Variants in TTC12 observed in about 807,000 individuals in gnomAD.
The protein encoded by TTC12 is tetratricopeptide repeat domain 12, also known as tetratricopeptide repeat protein 12.
Under a neutral mutation model 90.1 loss-of-function variants are expected in TTC12, and 70 were observed. The ratio of observed to expected loss-of-function variants is 0.78; its 90% CI spans 0.64 to 0.95. TTC12 has a LOEUF of 0.95. TTC12 is among the 40% of genes least tolerant of loss of function. TTC12 has a pLI of 0.00. For missense variants in TTC12, 819 were observed against 846.1 expected (o/e 0.97, Z 0.40); for synonymous variants, 296 against 311.5 (o/e 0.95, Z 0.53).
downstream of TTC12, chr11:113,366,527 T>C (rs957373978): frequency 6.0e-6 from 4 of 661,228 alleles, no homozygotes; most frequent in Non-Finnish European, 7.2e-6. Flanking sequence ...CCTTTGAATG[T>C]TCTTTCCTGT....
chr11:113,341,808 T>A lies in TTC12; in HGVS notation c.897-29T>A, dbSNP rs1171535738. 2.6e-6 allele frequency: 4 copies of A among 1,558,356 alleles called. No individual in the cohort carries two copies. In the East Asian group the frequency reaches 6.7e-5, roughly 26 times the overall value. On this transcript the variant is annotated intron_variant, in intron 11 of 21. Transcript: ENST00000529221. ...AAAATCAAGACTGATTTTCAGACTT[T>A]TAAGATAGCTCTCCTTTGTCCATTC...
chr11:113,367,948 CAAA>C (rs1429546733), downstream of TTC12, among the ~76,000 whole-genome samples: 1 of 152,140 alleles, frequency 6.6e-6, no homozygotes, highest in Non-Finnish European at 1.5e-5. Flanking sequence ...AATCAGAGCA[CAAA>C]GAAGAAAATT....
downstream of TTC12, among the ~76,000 whole-genome samples, chr11:113,369,333 C>G (rs1296238434): frequency 6.6e-6 from 1 of 152,078 alleles, no homozygotes; most frequent in African/African-American, 2.4e-5. Context: ...GTTGACCAGG[C>G]TGGTCTCGAA....
At chr11:113,347,953 T>G (rs1949065299) in intron 13 of TTC12, among the ~76,000 whole-genome samples, 1 of 152,200 alleles carries the variant, frequency 6.6e-6, no homozygotes, top group Admixed American at 6.5e-5. Context: ...GACACCATCC[T>G]TCCTGGCCCC....
At position 113,362,459 on chromosome 11, in the gene TTC12, C is replaced by A. The variant is rs782635364; in HGVS notation, c.1673C>A (p.Ala558Asp). ...TCCTCTCTGAAAATTGTTGAGGAGG[C>A]CTTGCGAGCAGGAGTGGTAAAGAAA... Reference protein sequence around the residue: ...LSSSLKIVEEALRAGVVKKMM... With the variant: ...LSSSLKIVEEDLRAGVVKKMM... Residue 558 changes from alanine to aspartate, a missense_variant, in exon 19 of 22, where the codon GCC (alanine) becomes GAC (aspartate). Ala to Asp is a moderately radical substitution (Grantham distance 126). Transcript: ENST00000529221. 3.1e-6 allele frequency: 5 copies of A among 1,613,802 alleles called. No individual in the cohort carries two copies. Among genetic ancestry groups the A allele is most frequent in the Non-Finnish European group, 4.2e-6 (5 of 1,179,854 alleles).
intron 2 of TTC12, among the ~76,000 whole-genome samples, chr11:113,322,265 A>G (rs1947383543): frequency 6.6e-6 from 1 of 152,200 alleles, no homozygotes; most frequent in African/African-American, 2.4e-5. Flanking sequence ...TTTAAAGTAC[A>G]TAATTTAGAA....
At chr11:113,342,922 A>C (rs1196272547) in intron 12 of TTC12, among the ~76,000 whole-genome samples, 1 of 152,194 alleles carries the variant, frequency 6.6e-6, no homozygotes, top group Admixed American at 6.5e-5. Context: ...CTCAGTGTGA[A>C]TCTGACATAA....
At chr11:113,320,706 C>T (rs7942392) in intron 2 of TTC12, among the ~76,000 whole-genome samples, 26,055 of 152,186 alleles carry the variant, frequency 0.17, 3,051 homozygotes, top group African/African-American at 0.33. Context: ...ACAATCAAGT[C>T]GTCCGCAGAT....
downstream of TTC12, chr11:113,368,071 C>A: frequency 1.3e-6 from 1 of 795,906 alleles, no homozygotes; most frequent in Non-Finnish European, 1.8e-6. Context: ...TCAGGCCCCG[C>A]CTTCCCCTGC....
downstream of TTC12, among the ~76,000 whole-genome samples, chr11:113,366,892 C>T (rs1432211673): frequency 1.3e-5 from 2 of 152,222 alleles, no homozygotes; most frequent in Admixed American, 1.3e-4. Context: ...CTGGGGGTCC[C>T]TCTGGCACCC....
chr11:113,354,428 C>A (rs549527193), intron 16 of TTC12, among the ~76,000 whole-genome samples: 205 of 152,284 alleles, frequency 1.3e-3, no homozygotes, highest in Non-Finnish European at 1.9e-3. Context: ...TTGACTTTTT[C>A]TCTTCCTATA....
At chr11:113,345,404 G>T (rs1448912789) in intron 13 of TTC12, among the ~76,000 whole-genome samples, 1 of 151,976 alleles carries the variant, frequency 6.6e-6, no homozygotes, top group Non-Finnish European at 1.5e-5. Context: ...CACCCAACTA[G>T]GCTGGCCCCC....
downstream of TTC12, among the ~76,000 whole-genome samples, chr11:113,367,267 G>A (rs558127611): frequency 9.2e-5 from 14 of 152,268 alleles, no homozygotes; most frequent in East Asian, 5.8e-4. Flanking sequence ...ACTTTTGGTC[G>A]TACCCTGCTA....
intron 20 of TTC12, 62 bp from the exon 21 acceptor site, chr11:113,364,773 G>A: frequency 7.0e-7 from 1 of 1,431,380 alleles, no homozygotes; most frequent in Admixed American, 1.7e-5. Flanking sequence ...CTCATGTCCT[G>A]TTGCCAGCCT....
chr11:113,324,251 C>T (rs576640159), intron 4 of TTC12: 3 of 539,950 alleles, frequency 5.6e-6, no homozygotes, highest in Admixed American at 3.6e-5. Flanking sequence ...CTGTATCATC[C>T]AATTTACCCT....
downstream of TTC12, among the ~76,000 whole-genome samples, chr11:113,369,436 A>T (rs1397061857): frequency 2.4e-4 from 4 of 16,580 alleles, no homozygotes; most frequent in African/African-American, 1.0e-3. Context: ...CCCCCCGTGC[A>T]TTGTGCCTTT....
chr11:113,329,451 C>T (rs959823834), intron 6 of TTC12, among the ~76,000 whole-genome samples: 1 of 152,164 alleles, frequency 6.6e-6, no homozygotes, highest in Non-Finnish European at 1.5e-5. Context: ...TCCTTGGCTT[C>T]CTAGCCCTCT....
At chr11:113,347,059 G>C (rs1476388796) in intron 13 of TTC12, among the ~76,000 whole-genome samples, 1 of 152,170 alleles carries the variant, frequency 6.6e-6, no homozygotes, top group East Asian at 1.9e-4. Flanking sequence ...CACATAGTGA[G>C]GGGGCCTAGC....
In TTC12 at chr11:113,316,322, A is replaced by G. The variant is rs782282157; in HGVS notation, c.58+7A>G. 7 of 1,360,942 alleles carry G rather than the reference A, an allele frequency of 5.1e-6. No individual in the cohort carries two copies. Among genetic ancestry groups the G allele is most frequent in the African/African-American group, 2.9e-5 (2 of 68,256 alleles). 84.3% of individuals were successfully genotyped at this position (1,360,942 alleles called of 1,614,324 possible). A position where few individuals can be genotyped will look rare whatever the true frequency, so the allele number is the denominator to read the frequency against. On this transcript the variant is annotated splice_region_variant and intron_variant, in intron 2 of 21. Coordinates refer to ENST00000529221, the MANE Select transcript of TTC12 (RefSeq NM_017868.4). ...AAAAATGTGGATGAAATCTGTAAGT[A>G]CTAGTAAATCATAAATTAATTTCTG... is the stretch of plus-strand genomic sequence containing the variant.
Sources: allele counts gnomAD v4.1 joint callset (sites outside exome capture counted in the v4.1 genomes callset), GRCh38; gene constraint gnomAD v4.1.1; transcripts MANE v1.5; gene names NCBI Gene and HGNC (gene_info 2026-07-23, HGNC 2026-07-21).